Variants in HDAC4 observed in about 807,000 individuals in gnomAD.
HDAC4 encodes the protein histone deacetylase A.
Under a neutral mutation model 135.1 loss-of-function variants are expected in HDAC4, and 16 were observed. The observed-to-expected ratio is 0.12, with a 90% CI of 0.08 to 0.18. The LOEUF is 0.18. Among genes scored for constraint, HDAC4 ranks in the 10% least tolerant of loss-of-function variants. The pLI, the probability that HDAC4 is intolerant of heterozygous loss-of-function variation, is 1.00. For synonymous variants in HDAC4, 685 were observed against 653.4 expected, an observed-to-expected ratio of 1.05 and a Z score of -0.74; for missense variants, 1,143 against 1,511.8, an observed-to-expected ratio of 0.76 and a Z score of 4.05.
At chr2:239,219,961 G>A (rs1211742899) in intron 3 of HDAC4, among the ~76,000 whole-genome samples, 1 of 152,222 alleles carries the variant, frequency 6.6e-6, no homozygotes, top group Non-Finnish European at 1.5e-5. Context: ...CACACAGGAG[G>A]TGTGCATACA....
intron 2 of HDAC4, among the ~76,000 whole-genome samples, chr2:239,345,401 T>C (rs1265686277): frequency 2.0e-5 from 3 of 151,962 alleles, no homozygotes; most frequent in Non-Finnish European, 4.4e-5. Flanking sequence ...ATTTTAAAAA[T>C]TAGCTGGGCG....
intron 7 of HDAC4, among the ~76,000 whole-genome samples, chr2:239,153,737 G>A (rs1031540914): frequency 2.0e-5 from 3 of 152,226 alleles, no homozygotes; most frequent in African/African-American, 7.2e-5. Context: ...AAGAAAGCAG[G>A]GAGTTGGAGG....
intron 17 of HDAC4, chr2:239,091,870 C>A (rs1183578091): frequency 6.7e-6 from 1 of 149,400 alleles, no homozygotes; most frequent in Non-Finnish European, 1.5e-5. Context: ...ACCATCCTGG[C>A]TAACACGGTG....
chr2:239,275,043 C>T (rs918805982), intron 2 of HDAC4, among the ~76,000 whole-genome samples: 6 of 152,380 alleles, frequency 3.9e-5, no homozygotes, highest in Non-Finnish European at 5.9e-5. Flanking sequence ...CCCAGAGCTG[C>T]GAATATGTGC....
At chr2:239,062,344 G>A (rs1009460256) in intron 24 of HDAC4, among the ~76,000 whole-genome samples, 16 of 152,248 alleles carry the variant, frequency 1.1e-4, no homozygotes, top group Admixed American at 1.0e-3. Context: ...CGTCACAGCT[G>A]GCGGCCCCGC....
chr2:239,152,758 T>C (rs1361317354), intron 7 of HDAC4, among the ~76,000 whole-genome samples: 3 of 152,140 alleles, frequency 2.0e-5, no homozygotes, highest in Admixed American at 6.5e-5. Flanking sequence ...CTACCTGAAC[T>C]GTAGGCATGG....
intron 3 of HDAC4, among the ~76,000 whole-genome samples, chr2:239,197,047 T>TA (rs1052129562): frequency 1.3e-5 from 2 of 152,148 alleles, no homozygotes; most frequent in Non-Finnish European, 2.9e-5. Context: ...TGCCCTACCT[T>TA]AAGTCTCCCG....
At chr2:239,078,159 C>A in intron 22 of HDAC4, among the ~76,000 whole-genome samples, 1 of 152,204 alleles carries the variant, frequency 6.6e-6, no homozygotes, top group East Asian at 1.9e-4. Flanking sequence ...GCCCCCACCC[C>A]CAGCGGCTCA....
chr2:239,261,830 A>G (rs1041157675), intron 2 of HDAC4, among the ~76,000 whole-genome samples: 10 of 152,320 alleles, frequency 6.6e-5, no homozygotes, highest in African/African-American at 2.4e-4. Flanking sequence ...TAACAGTGGC[A>G]GGAGCCCGGC....
chr2:239,311,470 A>C (rs915135721), intron 2 of HDAC4, among the ~76,000 whole-genome samples: 6 of 152,200 alleles, frequency 3.9e-5, no homozygotes, highest in Admixed American at 6.5e-5. Context: ...CTTTCCAAGC[A>C]TCCGGGAAAT....
intron 13 of HDAC4, among the ~76,000 whole-genome samples, chr2:239,113,790 C>T (rs1252575202): frequency 6.6e-6 from 1 of 152,196 alleles, no homozygotes; most frequent in Non-Finnish European, 1.5e-5. Flanking sequence ...CGAGTGTTCA[C>T]CATGAAGCAC....
chr2:239,291,260 T>C (rs552276436), intron 2 of HDAC4, among the ~76,000 whole-genome samples: 66 of 152,288 alleles, frequency 4.3e-4, no homozygotes, highest in African/African-American at 1.4e-3. Context: ...TTCCAAGGCA[T>C]GGCTCGCCTG....
Position 239,143,142 on chromosome 2 carries a change from G to A in HDAC4, c.865+1441C>T, listed in dbSNP as rs577597573. Among the ~76,000 whole-genome samples the A allele has an allele frequency of 8.6e-5, 13 of 151,994 alleles. No individual in the cohort carries two copies. In the East Asian group the frequency reaches 1.3e-3, roughly 16 times the overall value. ...AAGGACTCTGTCTCACTATTTTTGC[G>A]CCCAGCCCAGTGCTGACTCAAAAAC... On this transcript the variant is annotated intron_variant, in intron 8 of 26. Coordinates refer to ENST00000543185, the MANE Select transcript of HDAC4 (RefSeq NM_001378414.1).
chr2:239,127,505 T>C (rs2040275703), intron 11 of HDAC4, among the ~76,000 whole-genome samples: 1 of 152,242 alleles, frequency 6.6e-6, no homozygotes, highest in Admixed American at 6.5e-5. Flanking sequence ...CATGGTTTTG[T>C]GGGCAAAAGG....
At chr2:239,346,173 AACAC>A (rs1692649727) in intron 2 of HDAC4, among the ~76,000 whole-genome samples, 1 of 151,070 alleles carries the variant, frequency 6.6e-6, no homozygotes, top group Non-Finnish European at 1.5e-5. Context: ...CACTGTCTAA[AACAC>A]ACACACCCTG....
chr2:239,081,359 G>T (rs916685326), intron 21 of HDAC4, among the ~76,000 whole-genome samples, 167 bp from the exon 22 acceptor site: 1 of 152,210 alleles, frequency 6.6e-6, no homozygotes, highest in East Asian at 1.9e-4. Context: ...GCGTGTGAAG[G>T]GGCCCCACTG....
chr2:239,218,912 C>T (rs1430708881), intron 3 of HDAC4, among the ~76,000 whole-genome samples: 1 of 151,200 alleles, frequency 6.6e-6, no homozygotes, highest in East Asian at 1.9e-4. Flanking sequence ...ATCAAAACCA[C>T]AATGAGATAC....
intron 2 of HDAC4, among the ~76,000 whole-genome samples, chr2:239,325,042 A>T (rs1372153038): frequency 2.0e-5 from 3 of 152,258 alleles, no homozygotes; most frequent in Non-Finnish European, 2.9e-5. Flanking sequence ...TGCCACAGGC[A>T]AAGGAATGAA....
intron 2 of HDAC4, among the ~76,000 whole-genome samples, chr2:239,312,046 A>G (rs762766392): frequency 6.6e-6 from 1 of 152,230 alleles, no homozygotes; most frequent in Non-Finnish European, 1.5e-5. Flanking sequence ...AAAAATTGAA[A>G]GCCAAGAAAA....
Sources: gnomAD v4.1 joint callset for allele counts (sites outside exome capture counted in the v4.1 genomes callset) on GRCh38, gnomAD v4.1.1 for gene constraint, MANE v1.5 for transcripts, NCBI Gene and HGNC (gene_info 2026-07-23, HGNC 2026-07-21) for gene names.